Variants in VIPR2 observed in about 807,000 individuals in gnomAD.
The protein encoded by VIPR2 is vasoactive intestinal polypeptide receptor 2.
VIPR2 carries 48 observed loss-of-function variants against 58.0 expected under a neutral mutation model. That is an observed-to-expected ratio of 0.83 (90% CI 0.66 to 1.05). The LOEUF (loss-of-function observed/expected upper bound fraction) is 1.05. Among genes scored for constraint, VIPR2 ranks in the 50% least tolerant of loss-of-function variants. The probability of loss-of-function intolerance (pLI) is 0.00; values close to 1 mark genes in which losing one functional copy is unlikely to be tolerated. For synonymous variants in VIPR2, 243 were observed against 235.2 expected, an observed-to-expected ratio of 1.03 and a Z score of -0.30; for missense variants, 534 against 558.0, an observed-to-expected ratio of 0.96 and a Z score of 0.43.
chr7:159,115,543 C>G (rs927063875), intron 2 of VIPR2, among the ~76,000 whole-genome samples: 1 of 152,264 alleles, frequency 6.6e-6, no homozygotes, highest in Non-Finnish European at 1.5e-5. Context: ...CACCCAAAGT[C>G]ATGGTCAGGG....
At chr7:159,063,613 C>T (rs1000341746) in intron 4 of VIPR2, among the ~76,000 whole-genome samples, 52 of 151,314 alleles carry the variant, frequency 3.4e-4, no homozygotes, top group East Asian at 7.9e-4. Flanking sequence ...TCCTCAAGCG[C>T]GGCCAGAGTG....
chr7:159,120,130 C>T (rs905773373), intron 2 of VIPR2, among the ~76,000 whole-genome samples: 8 of 152,330 alleles, frequency 5.3e-5, no homozygotes, highest in African/African-American at 1.7e-4. Flanking sequence ...AGGGTCCTCG[C>T]GGCCCACACA....
chr7:159,085,664 T>C (rs1315775728), intron 4 of VIPR2, among the ~76,000 whole-genome samples: 1 of 151,988 alleles, frequency 6.6e-6, no homozygotes, highest in Non-Finnish European at 1.5e-5. Flanking sequence ...TGACACCGTC[T>C]CACTGGAGGA....
intron 5 of VIPR2, among the ~76,000 whole-genome samples, chr7:159,057,330 C>G (rs1855382821): frequency 6.6e-6 from 1 of 152,088 alleles, no homozygotes; most frequent in South Asian, 2.1e-4. Context: ...TTAAAAATAA[C>G]TAGAATATGA....
At chr7:159,057,603 G>A (rs543378008) in intron 5 of VIPR2, among the ~76,000 whole-genome samples, 1 of 152,074 alleles carries the variant, frequency 6.6e-6, no homozygotes, top group Non-Finnish European at 1.5e-5. Context: ...CAAACATTTC[G>A]ATTACATTTT....
intron 4 of VIPR2, among the ~76,000 whole-genome samples, chr7:159,077,411 T>C (rs13438242): frequency 1.3e-3 from 162 of 120,328 alleles, no homozygotes; most frequent in African/African-American, 2.8e-3. Context: ...TTATCAGATT[T>C]TAGCCCTGTT....
intron 2 of VIPR2, among the ~76,000 whole-genome samples, chr7:159,130,130 T>C (rs1796838960): frequency 6.6e-6 from 1 of 152,262 alleles, no homozygotes; most frequent in Admixed American, 6.5e-5. Context: ...GAGAAAATGA[T>C]GGCTGTGAAA....
rs1379021812 is a variant in VIPR2 at position 159,144,797 on chromosome 7, C to T, written c.-26G>A. The T allele has an allele frequency of 2.4e-6, 3 of 1,242,804 alleles. No individual in the cohort carries two copies. Among genetic ancestry groups the T allele is most frequent in the African/African-American group, 3.1e-5 (2 of 64,370 alleles). 77.0% of individuals were successfully genotyped at this position (1,242,804 alleles called of 1,614,324 possible). On this transcript the variant is annotated 5_prime_UTR_variant, in exon 1 of 13. Transcript: ENST00000262178. ...CCCGAGCTCAGCGTGCCGGGGGCCG[C>T]CCAGCGCCCGCCGCCTCCGTCCTAG...
At position 159,124,606 on chromosome 7, in the gene VIPR2, G is replaced by A. The variant is rs1236694312; in HGVS notation, c.152-14687C>T. ...CCTCCAGCTTTCTTCTTTTTGCTTA[G>A]GATTGTCTTAGCTATGTGGGCTCTT... On this transcript the variant is annotated intron_variant, in intron 2 of 12. Coordinates refer to ENST00000262178, the MANE Select transcript of VIPR2 (RefSeq NM_003382.5). 2.6e-5 allele frequency among the ~76,000 whole-genome samples: 4 copies of A among 152,132 alleles called. No individual in the cohort carries two copies. In the East Asian group the frequency reaches 5.8e-4, roughly 22 times the overall value.
At chr7:159,124,913 C>T (rs1361838765) in intron 2 of VIPR2, among the ~76,000 whole-genome samples, 1 of 152,138 alleles carries the variant, frequency 6.6e-6, no homozygotes, top group East Asian at 1.9e-4. Context: ...AATGGGGCTG[C>T]CTTCCTGATT....
intron 2 of VIPR2, among the ~76,000 whole-genome samples, chr7:159,135,347 G>T (rs1797171240): frequency 6.6e-6 from 1 of 151,988 alleles, no homozygotes; most frequent in South Asian, 2.1e-4. Context: ...CAGGAGAATT[G>T]CTTCAACCCA....
At chr7:159,110,393 G>A (rs1342209536) in intron 2 of VIPR2, among the ~76,000 whole-genome samples, 2 of 152,172 alleles carry the variant, frequency 1.3e-5, no homozygotes, top group Admixed American at 6.5e-5. Flanking sequence ...TTACCTTCAT[G>A]GAGTTGTCAA....
chr7:159,060,710 C>G (rs931486179), intron 4 of VIPR2, among the ~76,000 whole-genome samples: 3 of 152,164 alleles, frequency 2.0e-5, no homozygotes, highest in African/African-American at 7.2e-5. Context: ...AACCACCACT[C>G]TGAACTCATC....
At chr7:159,051,851 A>T (rs1037686758) in intron 5 of VIPR2, among the ~76,000 whole-genome samples, 21 of 152,222 alleles carry the variant, frequency 1.4e-4, no homozygotes, top group Non-Finnish European at 1.5e-5. Flanking sequence ...CAGTGAAAGA[A>T]TTAAAAGGAC....
rs146799098 is a variant in VIPR2, at chr7:159,036,113, G to A, written c.749-101C>T. The A allele has an allele frequency of 5.1e-4, 688 of 1,355,106 alleles. 1 individual carries two copies. Among genetic ancestry groups the A allele is most frequent in the Non-Finnish European group, 4.5e-4 (455 of 1,009,486 alleles). The allele number at this position is 1,355,106 out of a possible 1,614,324, so 83.9% of individuals were successfully genotyped here. A position where few individuals can be genotyped will look rare whatever the true frequency, so the allele number is the denominator to read the frequency against. ...AACCCTCAAGGACACGCTTTCTCAC[G>A]GGAATATTAAGTGCAATCTCTTGTT... On this transcript the variant is annotated intron_variant, in intron 7 of 12. Coordinates refer to ENST00000262178, the MANE Select transcript of VIPR2 (RefSeq NM_003382.5).
chr7:159,039,403 G>C (rs1259905849), intron 6 of VIPR2, among the ~76,000 whole-genome samples: 1 of 152,164 alleles, frequency 6.6e-6, no homozygotes, highest in Non-Finnish European at 1.5e-5. Context: ...GCCTGAACCT[G>C]GGAGGTGGAG....
intron 4 of VIPR2, among the ~76,000 whole-genome samples, chr7:159,084,758 G>A (rs1857086961): frequency 6.6e-6 from 1 of 152,198 alleles, no homozygotes; most frequent in African/African-American, 2.4e-5. Context: ...TCGGGGCATG[G>A]ACTCCACCCC....
chr7:159,120,246 C>G (rs1429700930), intron 2 of VIPR2, among the ~76,000 whole-genome samples: 1 of 152,216 alleles, frequency 6.6e-6, no homozygotes, highest in Non-Finnish European at 1.5e-5. Context: ...ATTCTCCTCA[C>G]CTGTCTCTTA....
chr7:159,091,179 G>A (rs1229901574), intron 4 of VIPR2, among the ~76,000 whole-genome samples: 1 of 152,262 alleles, frequency 6.6e-6, no homozygotes, highest in African/African-American at 2.4e-5. Context: ...CTCCGTAGAA[G>A]CATCGAATTG....
Sources: allele counts gnomAD v4.1 joint callset (sites outside exome capture counted in the v4.1 genomes callset), GRCh38; gene constraint gnomAD v4.1.1; transcripts MANE v1.5; gene names NCBI Gene and HGNC (gene_info 2026-07-23, HGNC 2026-07-21).